DOCK4: variants seen among roughly 807,000 people sequenced by gnomAD.
DOCK4 encodes the protein dedicator of cytokinesis 4, also known as dedicator of cytokinesis protein 4.
In DOCK4, 97 loss-of-function variants were observed where a neutral mutation model predicts 268.1. That is an observed-to-expected ratio of 0.36 (90% CI 0.31 to 0.43). The LOEUF is 0.43. Among genes scored for constraint, DOCK4 ranks in the 20% least tolerant of loss-of-function variants. The probability of loss-of-function intolerance (pLI) is 1.00; values close to 1 mark genes in which losing one functional copy is unlikely to be tolerated. For missense variants in DOCK4, 2,145 were observed against 2,455.7 expected (o/e 0.87, Z 2.67); for synonymous variants, 954 against 887.2 (o/e 1.08, Z -1.34).
intron 1 of DOCK4, among the ~76,000 whole-genome samples, chr7:112,195,355 A>G (rs920817003): frequency 2.6e-5 from 4 of 152,192 alleles, no homozygotes; most frequent in African/African-American, 9.7e-5. Context: ...AGGAATCCTC[A>G]GATCTTAATG....
At chr7:112,180,731 A>G (rs944773130) in intron 1 of DOCK4, among the ~76,000 whole-genome samples, 1 of 152,168 alleles carries the variant, frequency 6.6e-6, no homozygotes, top group African/African-American at 2.4e-5. Context: ...CACAGTGCCA[A>G]CAGCACTTTG....
At chr7:112,024,220 T>TCA (rs1210883978) in intron 1 of DOCK4, among the ~76,000 whole-genome samples, 1 of 152,240 alleles carries the variant, frequency 6.6e-6, no homozygotes, top group African/African-American at 2.4e-5. Context: ...AATTCAAGCA[T>TCA]CACACGGGGC....
intron 1 of DOCK4, among the ~76,000 whole-genome samples, chr7:112,151,767 A>AC (rs1410966290): frequency 6.6e-6 from 1 of 151,824 alleles, no homozygotes; most frequent in Non-Finnish European, 1.5e-5. Context: ...GATGTGGAAA[A>AC]AAAAAAAAAG....
At chr7:111,760,072 G>T in intron 40 of DOCK4, 109 bp downstream of exon 40, 1 of 1,350,434 alleles carries the variant, frequency 7.4e-7, no homozygotes. Flanking sequence ...GAGCAGTAAC[G>T]ATGTGGCTAT....
At chr7:111,980,769 G>A (rs947026226) in intron 7 of DOCK4, among the ~76,000 whole-genome samples, 11 of 152,178 alleles carry the variant, frequency 7.2e-5, no homozygotes, top group African/African-American at 2.7e-4. Context: ...AATTGCATGT[G>A]AGAACCACTG....
chr7:111,971,487 C>T (rs78454370), intron 8 of DOCK4: 2,636 of 205,946 alleles, frequency 0.013, 22 homozygotes, highest in Non-Finnish European at 0.019. Context: ...GAGGGATCCT[C>T]ATTTTATGAC....
rs948354685 is a variant in DOCK4 at position 112,000,952 on chromosome 7, C to T, written c.122-418G>A. On this transcript the variant is annotated intron_variant, in intron 2 of 52. Coordinates refer to ENST00000428084, the MANE Select transcript of DOCK4 (RefSeq NM_001363540.2). ...TCAAGAATCTGCACAAGATTTCATA[C>T]ATTTCCAAATTCTACTTGCCTGACT... Among the ~76,000 whole-genome samples the T allele has an allele frequency of 6.6e-5, 10 of 152,184 alleles. No homozygotes were observed. The South Asian group carries it at 2.1e-3, about 32-fold the overall frequency.
intron 1 of DOCK4, among the ~76,000 whole-genome samples, chr7:112,076,560 G>GT (rs1402894379): frequency 6.6e-6 from 1 of 151,998 alleles, no homozygotes; most frequent in Admixed American, 6.6e-5. Flanking sequence ...TTCAAAATAT[G>GT]TTTTGCAATA....
chr7:112,114,329 G>T (rs940882803), intron 1 of DOCK4, among the ~76,000 whole-genome samples: 2 of 152,128 alleles, frequency 1.3e-5, no homozygotes, highest in Non-Finnish European at 2.9e-5. Flanking sequence ...TTGGTATGCT[G>T]TTATGTTCTC....
intron 1 of DOCK4, among the ~76,000 whole-genome samples, chr7:112,044,764 A>G (rs766319871): frequency 2.0e-5 from 3 of 151,984 alleles, no homozygotes; most frequent in Admixed American, 6.6e-5. Flanking sequence ...CTTACATCCA[A>G]TCGTTGAGCA....
intron 1 of DOCK4, among the ~76,000 whole-genome samples, chr7:112,191,558 C>T (rs1819954512): frequency 6.6e-6 from 1 of 152,132 alleles, no homozygotes; most frequent in East Asian, 1.9e-4. Flanking sequence ...GGTATTAACA[C>T]TAGTATCTTA....
chr7:112,009,730 G>C (rs1245080237), intron 1 of DOCK4, among the ~76,000 whole-genome samples: 1 of 152,202 alleles, frequency 6.6e-6, no homozygotes, highest in Non-Finnish European at 1.5e-5. Flanking sequence ...AAGAGATAAA[G>C]GGGTAGAATT....
chr7:112,164,061 T>C (rs76508925), intron 1 of DOCK4, among the ~76,000 whole-genome samples: 2,358 of 152,182 alleles, frequency 0.015, 56 homozygotes, highest in African/African-American at 0.05. Context: ...AGGTGGAGAA[T>C]TGCTTGAGGC....
At chr7:112,084,134 AAGTAG>A (rs1808843655) in intron 1 of DOCK4, among the ~76,000 whole-genome samples, 1 of 152,194 alleles carries the variant, frequency 6.6e-6, no homozygotes, top group Non-Finnish European at 1.5e-5. Context: ...CTGCAGCATG[AAGTAG>A]AGTCATGCCG....
chr7:111,945,274 C>T (rs1307586318), intron 9 of DOCK4, among the ~76,000 whole-genome samples: 1 of 152,232 alleles, frequency 6.6e-6, no homozygotes, highest in Non-Finnish European at 1.5e-5. Context: ...CAACCTCTGC[C>T]TCCCAGGTTC....
chr7:111,949,806 C>T (rs896007077), intron 8 of DOCK4, among the ~76,000 whole-genome samples: 3 of 152,112 alleles, frequency 2.0e-5, no homozygotes, highest in Admixed American at 6.5e-5. Flanking sequence ...CCTATATTAA[C>T]GTATTTTGGA....
chr7:112,058,814 C>T (rs1017480683), intron 1 of DOCK4, among the ~76,000 whole-genome samples: 1 of 152,178 alleles, frequency 6.6e-6, no homozygotes, highest in Non-Finnish European at 1.5e-5. Context: ...TGCTTCCTCC[C>T]TCTCTTCCCA....
At chr7:112,121,418 C>T (rs1014037966) in intron 1 of DOCK4, among the ~76,000 whole-genome samples, 3 of 152,220 alleles carry the variant, frequency 2.0e-5, no homozygotes, top group Admixed American at 6.5e-5. Flanking sequence ...GGTCCATCTC[C>T]ATCAACAAAA....
intron 1 of DOCK4, among the ~76,000 whole-genome samples, chr7:112,197,753 C>A (rs1488425300): frequency 6.6e-6 from 1 of 152,052 alleles, no homozygotes; most frequent in African/African-American, 2.4e-5. Flanking sequence ...AAGCAATTAG[C>A]GAAGTCTCAT....
Sources: gnomAD v4.1 joint callset for allele counts (sites outside exome capture counted in the v4.1 genomes callset) on GRCh38, gnomAD v4.1.1 for gene constraint, MANE v1.5 for transcripts, NCBI Gene and HGNC (gene_info 2026-07-23, HGNC 2026-07-21) for gene names.